MLPH: variants seen among roughly 807,000 people sequenced by gnomAD.
MLPH encodes the protein exophilin-3.
MLPH carries 51 observed loss-of-function variants against 72.1 expected under a neutral mutation model. The observed-to-expected ratio is 0.71, with a 90% CI of 0.56 to 0.89. MLPH has a LOEUF of 0.89. Ranked by LOEUF, MLPH falls within the 40% of genes least tolerant of loss-of-function variation. The probability of loss-of-function intolerance (pLI) is 0.00; values close to 1 mark genes in which losing one functional copy is unlikely to be tolerated. For missense variants in MLPH, 743 were observed against 759.9 expected (o/e 0.98, Z 0.26); for synonymous variants, 301 against 310.1 (o/e 0.97, Z 0.31).
Position 237,494,789 on chromosome 2 carries a change from G to C in MLPH, c.110+1253G>C, listed in dbSNP as rs117527349. On this transcript the variant is annotated intron_variant, in intron 2 of 15. Coordinates refer to ENST00000264605, the MANE Select transcript of MLPH (RefSeq NM_024101.7). ...TGTTGGATACATACACTAGTCCGGA[G>C]CTCAGAGGAGATGCGTTACGAGAGC... Among the ~76,000 whole-genome samples, 942 of 152,334 alleles carry C rather than the reference G, an allele frequency of 6.2e-3. 25 individuals carry two copies. Among genetic ancestry groups the C allele is most frequent in the East Asian group, 0.059 (306 of 5,186 alleles).
intron 6 of MLPH, among the ~76,000 whole-genome samples, chr2:237,521,381 G>A (rs1338772787): frequency 3.9e-5 from 6 of 152,102 alleles, no homozygotes; most frequent in Non-Finnish European, 7.4e-5. Context: ...GGGAGGAGGA[G>A]GTGAGGGGTA....
Position 237,505,523 on chromosome 2 carries a change from T to C in MLPH, c.111-5051T>C, listed in dbSNP as rs937879164. On this transcript the variant is annotated intron_variant, in intron 2 of 15. Coordinates refer to ENST00000264605, the MANE Select transcript of MLPH (RefSeq NM_024101.7). This position sits in a 1 kb window ranked among gnomAD's most constrained non-coding sequence, Gnocchi z 4.5. Reference sequence around the variant, plus strand: ...CCTTGGGGATGGCCACAGTGGGAGCTTCCCCCTGCTGTGCCTTCAGGGGTG... The same window carrying C: ...CCTTGGGGATGGCCACAGTGGGAGCCTCCCCCTGCTGTGCCTTCAGGGGTG... Among the ~76,000 whole-genome samples, 10 of 152,154 alleles carry C rather than the reference T, an allele frequency of 6.6e-5. No homozygotes were observed. Among genetic ancestry groups the C allele is most frequent in the Non-Finnish European group, 7.4e-5 (5 of 68,018 alleles).
chr2:237,542,596 C>T lies in MLPH; in HGVS notation c.1476C>T (p.Ala492=). Residue 492 remains alanine, a synonymous_variant, in exon 12 of 16, where the codon GCC becomes GCT. Coordinates refer to ENST00000264605, the MANE Select transcript of MLPH (RefSeq NM_024101.7). The part of the protein sequence containing the change: ...EVSDIESRIA[A]LRAAGLTVKP... ...CAGACATTGAATCCAGGATTGCAGC[C>T]CTGAGGGCCGCAGGGCTCACGGTGA... 6.2e-7 allele frequency: 1 copy of T among 1,604,216 alleles called. No homozygotes were observed. The highest frequency in any genetic ancestry group is 8.5e-7 in the Non-Finnish European group (1 of 1,176,374).
intron 2 of MLPH, among the ~76,000 whole-genome samples, chr2:237,504,971 C>T (rs2079733885): frequency 6.6e-6 from 1 of 152,218 alleles, no homozygotes; most frequent in Admixed American, 6.5e-5. Flanking sequence ...AGCTTCAGGG[C>T]TTCAGATCTC....
In MLPH at chr2:237,527,521, C is replaced by T. The variant is rs375752977; in HGVS notation, c.1020+5C>T. ...CGGGCGTCTTCTGAGAGTCAGGTAA[C>T]GGTGGCTGGAAAGACTTCTGTCTTG... On this transcript the variant is annotated splice_donor_5th_base_variant and intron_variant, in intron 8 of 15. Transcript: ENST00000264605. 6.8e-4 allele frequency: 1,105 copies of T among 1,614,100 alleles called. 6 individuals are homozygous for T. Among genetic ancestry groups the T allele is most frequent in the South Asian group, 5.3e-3 (479 of 91,076 alleles).
chr2:237,518,488 T>G, intron 4 of MLPH, 51 bp from the exon 5 acceptor site: 1 of 1,483,520 alleles, frequency 6.7e-7, no homozygotes, highest in Non-Finnish European at 9.3e-7. Flanking sequence ...ACAAATGGCT[T>G]GTTCCCAGAC....
At chr2:237,488,026 T>C (rs909613594) in intron 1 of MLPH, among the ~76,000 whole-genome samples, 2 of 151,986 alleles carry the variant, frequency 1.3e-5, no homozygotes, top group Non-Finnish European at 2.9e-5. Flanking sequence ...GTGGGCTTCG[T>C]CCCTACTAGC....
At chr2:237,507,485 C>A (rs2079802887) in intron 2 of MLPH, 1 of 152,190 alleles carries the variant, frequency 6.6e-6, no homozygotes, top group Non-Finnish European at 1.5e-5. Context: ...GGATTTTCTA[C>A]CCCTGTGTGA....
chr2:237,510,163 T>C lies in MLPH; in HGVS notation c.111-411T>C, dbSNP rs774753664. The C allele has an allele frequency of 6.4e-6, 2 of 310,310 alleles. No individual in the cohort carries two copies. Among genetic ancestry groups the C allele is most frequent in the Non-Finnish European group, 1.2e-5 (2 of 160,844 alleles). 19.2% of individuals were successfully genotyped at this position (310,310 alleles called of 1,614,324 possible). On this transcript the variant is annotated intron_variant, in intron 2 of 15. Coordinates refer to ENST00000264605, the MANE Select transcript of MLPH (RefSeq NM_024101.7). This position sits in a 1 kb window ranked among gnomAD's most constrained non-coding sequence, Gnocchi z 4.4. The stretch of plus-strand genomic sequence containing the variant: ...AGCAAACCTGGGGCGTTAGCTCAAC[T>C]CTTGCCCCCCTGCTGAAGGAGACCA...
chr2:237,532,707 C>G (rs2080446356), intron 8 of MLPH, among the ~76,000 whole-genome samples: 1 of 152,238 alleles, frequency 6.6e-6, no homozygotes, highest in Non-Finnish European at 1.5e-5. Context: ...ATCCTGATGA[C>G]TGGTGCCCAC....
At chr2:237,495,743 C>A (rs751157019) in intron 2 of MLPH, among the ~76,000 whole-genome samples, 14 of 152,164 alleles carry the variant, frequency 9.2e-5, no homozygotes, top group Non-Finnish European at 1.8e-4. Context: ...CCACCGGCCT[C>A]GGGGGAGGGC....
intron 2 of MLPH, among the ~76,000 whole-genome samples, chr2:237,497,862 C>A (rs1021362479): frequency 2.0e-5 from 3 of 152,224 alleles, no homozygotes; most frequent in Non-Finnish European, 2.9e-5. Context: ...CTCCCGGTCA[C>A]CGAGTCTTAA....
chr2:237,496,929 G>A (rs182084825), intron 2 of MLPH, among the ~76,000 whole-genome samples: 215 of 152,306 alleles, frequency 1.4e-3, no homozygotes, highest in Middle Eastern at 3.4e-3. Context: ...CATTTGGGAG[G>A]CAAAGAATCA....
At position 237,511,037 on chromosome 2, in the gene MLPH, C is replaced by T. The variant is rs1378115084; in HGVS notation, c.381C>T (p.Ala127=). The T allele has an allele frequency of 1.2e-6, 2 of 1,613,852 alleles. No homozygotes were observed. Among genetic ancestry groups the T allele is most frequent in the Admixed American group, 3.3e-5 (2 of 59,998 alleles). ...AGTGGTACTATGAGCATGTGAAAGC[C>T]CGCTTCAAGAGGTTCGGAAGTGCCA... ...SLEWYYEHVK[A]RFKRFGSAKV... The change falls in exon 4 of 16, where the codon GCC becomes GCT. Residue 127 remains alanine, a synonymous_variant. Transcript: ENST00000264605.
chr2:237,548,328 G>C (rs1390732366), intron 13 of MLPH, among the ~76,000 whole-genome samples: 1 of 152,236 alleles, frequency 6.6e-6, no homozygotes, highest in Non-Finnish European at 1.5e-5. Context: ...CAGACACCAG[G>C]AGAAATTTCC....
At position 237,550,047 on chromosome 2, in the gene MLPH, T is replaced by C. The variant is rs1027917086; in HGVS notation, c.1675+769T>C. 2.0e-5 allele frequency among the ~76,000 whole-genome samples: 3 copies of C among 152,152 alleles called. No homozygotes were observed. The South Asian group carries it at 6.2e-4, about 31-fold the overall frequency. ...CACACACTGGAGCCAGCCTGCCCCC[T>C]ACTACACCCGCCCAAGGATGCACTT... On this transcript the variant is annotated intron_variant, in intron 14 of 15. Transcript: ENST00000264605.
intron 2 of MLPH, among the ~76,000 whole-genome samples, chr2:237,504,652 C>T (rs184315129): frequency 7.9e-5 from 12 of 152,290 alleles, no homozygotes; most frequent in African/African-American, 1.2e-4. Flanking sequence ...TGTTGGAGGC[C>T]GCCGGTTCTG....
chr2:237,511,798 TTAAAC>T (rs1346298812), intron 4 of MLPH, among the ~76,000 whole-genome samples: 10 of 152,242 alleles, frequency 6.6e-5, no homozygotes, highest in African/African-American at 2.4e-4. Context: ...GGCAGTAGGC[TTAAAC>T]TAAACAATGT....
rs75239627 is a variant in MLPH, at chr2:237,513,785, G to A, written c.445+2684G>A. On this transcript the variant is annotated intron_variant, in intron 4 of 15. Transcript: ENST00000264605. ...ATCCCTGGGTGCAGGGGGAGTTCAC[G>A]GGGTCTCTGCCTGTTGGTTTGGGAT... Among the ~76,000 whole-genome samples the A allele has an allele frequency of 8.0e-3, 1,216 of 152,206 alleles. 21 individuals are homozygous for A. Among genetic ancestry groups the A allele is most frequent in the African/African-American group, 0.028 (1,168 of 41,524 alleles).
Sources: allele counts gnomAD v4.1 joint callset (sites outside exome capture counted in the v4.1 genomes callset), GRCh38; gene constraint gnomAD v4.1.1; non-coding constraint Gnocchi (gnomAD v3.1); transcripts MANE v1.5; gene names NCBI Gene and HGNC (gene_info 2026-07-23, HGNC 2026-07-21).